The following TUT7 variants were observed in gnomAD, a reference collection of about 807,000 sequenced individuals.
TUT7 encodes terminal uridylyl transferase 7.
A neutral mutation model predicts 165.9 loss-of-function variants in TUT7; 33 were observed. The ratio of observed to expected loss-of-function variants is 0.20; its 90% CI spans 0.15 to 0.27. The LOEUF is 0.27. TUT7 is among the 10% of genes least tolerant of loss of function. The pLI is 1.00. For synonymous variants in TUT7, 552 were observed against 608.1 expected (o/e 0.91, Z 1.36); for missense variants, 1,338 against 1,762.3 (o/e 0.76, Z 4.31).
Position 86,323,583 on chromosome 9 carries a change from T to A in TUT7, c.2167A>T (p.Asn723Tyr). ...GNEHISVHPENSDCIQADVNS... is the reference protein window; with the variant it reads ...GNEHISVHPEYSDCIQADVNS... ...ACATCTGCTTGGATACAGTCTGAGT[T>A]TTCAGGGTGGACACTGATGTGTTCA... is the stretch of plus-strand genomic sequence containing the variant. Residue 723 changes from asparagine (N) to tyrosine (Y), a missense_variant, in exon 13 of 27, where the codon AAC becomes TAC. Physicochemically the swap from Asn to Tyr is moderately radical, Grantham distance 143. This residue lies in a region of TUT7 where 425 missense variants were observed against 474.9 expected (regional missense o/e 0.89). Coordinates refer to ENST00000375963, the MANE Select transcript of TUT7 (RefSeq NM_024617.4). 6.2e-7 allele frequency: 1 copy of A among 1,614,228 alleles called. No homozygotes were observed. Among genetic ancestry groups the A allele is most frequent in the Non-Finnish European group, 8.5e-7 (1 of 1,180,048 alleles).
intron 17 of TUT7, among the ~76,000 whole-genome samples, chr9:86,313,557 A>T (rs1019408094): frequency 3.9e-5 from 6 of 152,182 alleles, no homozygotes; most frequent in African/African-American, 2.4e-5. Flanking sequence ...ACCCAGAAAG[A>T]TTCACTAGCT....
At chr9:86,324,017 C>A in intron 12 of TUT7, 57 bp from the exon 13 acceptor site, 1 of 1,321,026 alleles carries the variant, frequency 7.6e-7, no homozygotes, top group Non-Finnish European at 9.9e-7. Flanking sequence ...TACTATATTT[C>A]ATGTTTTAAA....
chr9:86,293,330 T>C (rs1355320735), intron 26 of TUT7, among the ~76,000 whole-genome samples: 2 of 152,046 alleles, frequency 1.3e-5, no homozygotes, highest in African/African-American at 4.8e-5. Context: ...CACTAGCTTA[T>C]GGTCCCAGCT....
chr9:86,312,160 C>A (rs895166403), intron 17 of TUT7, among the ~76,000 whole-genome samples: 4 of 151,914 alleles, frequency 2.6e-5, no homozygotes, highest in African/African-American at 4.8e-5. Context: ...GCCACCATCC[C>A]ATCTAGGAAG....
chr9:86,288,825 TTAAG>T (rs1294852345), intron 26 of TUT7, 81 bp from the exon 27 acceptor site: 9 of 1,124,280 alleles, frequency 8.0e-6, no homozygotes, highest in South Asian at 1.4e-5. Context: ...TTACTTCTTA[TTAAG>T]TAGTCACAAA....
At chr9:86,297,669 C>T (rs758768167) in intron 26 of TUT7, among the ~76,000 whole-genome samples, 30 of 152,114 alleles carry the variant, frequency 2.0e-4, no homozygotes, top group Admixed American at 4.6e-4. Context: ...CTCTACAAAT[C>T]GGGAGGCTGA....
At chr9:86,318,599 T>G (rs1042729827) in intron 16 of TUT7, among the ~76,000 whole-genome samples, 1 of 152,214 alleles carries the variant, frequency 6.6e-6, no homozygotes, top group Non-Finnish European at 1.5e-5. Context: ...ACTCTTATGA[T>G]TTACCACACT....
intron 18 of TUT7, 53 bp from the exon 19 acceptor site, chr9:86,310,070 CTTTT>C: frequency 9.0e-7 from 1 of 1,117,314 alleles, no homozygotes; most frequent in Non-Finnish European, 1.2e-6. Context: ...TAAAGGGTCT[CTTTT>C]TTTTTTTTGG....
intron 25 of TUT7, 149 bp downstream of exon 25, chr9:86,302,937 C>T (rs1221788755): frequency 2.0e-6 from 1 of 505,366 alleles, no homozygotes; most frequent in East Asian, 3.2e-5. Context: ...CACTTCATTT[C>T]ATTAAAAAAT....
Position 86,310,709 on chromosome 9 carries a change from T to G in TUT7, c.3375A>C (p.Thr1125=). The change falls in exon 18 of 27, where the codon ACA becomes ACC. Residue 1125 remains threonine (T), a synonymous_variant. Coordinates refer to ENST00000375963, the MANE Select transcript of TUT7 (RefSeq NM_024617.4). ...GLEVDISLYN[T]LALHNTRLLS... is the part of the protein sequence containing the mutation. ...AAAAGCCTGAAAAAAATCTTACCAA[T>G]GTGTTATACAAACTGATATCTACTT... 1 of 1,578,986 alleles carries G rather than the reference T, an allele frequency of 6.3e-7. No individual in the cohort carries two copies. Among genetic ancestry groups the G allele is most frequent in the East Asian group, 2.2e-5 (1 of 44,678 alleles).
At chr9:86,301,896 GA>G (rs1397683307) in intron 25 of TUT7, 2 of 971,142 alleles carry the variant, frequency 2.1e-6, no homozygotes, top group African/African-American at 3.5e-5. Flanking sequence ...CTGATGTAAT[GA>G]AAGGCAAATC....
At chr9:86,339,025 T>C (rs1380870675) in intron 8 of TUT7, 76 bp from the exon 9 acceptor site, 1 of 1,312,722 alleles carries the variant, frequency 7.6e-7, no homozygotes, top group African/African-American at 1.5e-5. Context: ...GTGTCTTTTA[T>C]GCCAACAACT....
chr9:86,343,123 C>G lies in TUT7; in HGVS notation c.1038G>C (p.Leu346Phe). Residue 346 changes from leucine to phenylalanine, a missense_variant, in exon 6 of 27, where the codon TTG becomes TTC. Physicochemically the swap from Leu to Phe is conservative, Grantham distance 22 (BLOSUM62 0). Around this residue, in one of 7 missense-constraint regions of TUT7, gnomAD observed 434 missense variants for 480.8 expected, o/e 0.90. Coordinates refer to ENST00000375963, the MANE Select transcript of TUT7 (RefSeq NM_024617.4). ...TGTTTACATCCGAATTTTTGAAACCCAATCTGCTACAGGATGACCCATATA... is the reference window on the plus strand; with the variant it reads ...TGTTTACATCCGAATTTTTGAAACCGAATCTGCTACAGGATGACCCATATA... ...LRLYGSSCSRLGFKNSDVNID... is the reference protein window; with the variant it reads ...LRLYGSSCSRFGFKNSDVNID... 3 of 1,602,638 alleles carry G rather than the reference C, an allele frequency of 1.9e-6. No individual in the cohort carries two copies. The highest frequency in any genetic ancestry group is 2.6e-6 in the Non-Finnish European group (3 of 1,174,874).
intron 19 of TUT7, 43 bp downstream of exon 19, chr9:86,309,885 G>A (rs1462964749): frequency 6.6e-7 from 1 of 1,519,960 alleles, no homozygotes; most frequent in Non-Finnish European, 9.1e-7. Context: ...GTTTAAAGAT[G>A]CAATGAAATT....
intron 4 of TUT7, 77 bp downstream of exon 4, chr9:86,345,592 G>A: frequency 9.5e-7 from 1 of 1,049,698 alleles, no homozygotes; most frequent in Non-Finnish European, 1.5e-6. Flanking sequence ...ATAGCCTTAA[G>A]GAGAAGAAAG....
At chr9:86,322,797 A>C in intron 13 of TUT7, 76 bp downstream of exon 13, 2 of 1,456,350 alleles carry the variant, frequency 1.4e-6, no homozygotes, top group Non-Finnish European at 1.8e-6. Flanking sequence ...AATTCCTAGT[A>C]TATAAAAATT....
At chr9:86,333,522 G>A (rs184914497) in intron 10 of TUT7, among the ~76,000 whole-genome samples, 159 of 152,222 alleles carry the variant, frequency 1.0e-3, no homozygotes, top group African/African-American at 3.7e-3. Context: ...CAAAGGCATT[G>A]TTCATTTCTG....
At chr9:86,321,109 T>C (rs561289410) in intron 14 of TUT7, among the ~76,000 whole-genome samples, 1 of 152,004 alleles carries the variant, frequency 6.6e-6, no homozygotes, top group East Asian at 1.9e-4. Flanking sequence ...TCCCAGCACT[T>C]TGGGAGGTCA....
chr9:86,327,239 C>T (rs1829872794), intron 11 of TUT7, among the ~76,000 whole-genome samples: 1 of 152,228 alleles, frequency 6.6e-6, no homozygotes, highest in South Asian at 2.1e-4. Context: ...CTTGATAATA[C>T]CATAACATGA....
Sources: allele counts gnomAD v4.1 joint callset (sites outside exome capture counted in the v4.1 genomes callset), GRCh38; gene constraint gnomAD v4.1.1; regional missense constraint gnomAD v4.1.1; transcripts MANE v1.5; gene names NCBI Gene and HGNC (gene_info 2026-07-23, HGNC 2026-07-21).